GABRG3: variants seen among roughly 807,000 people sequenced by gnomAD.
GABRG3 encodes gamma-aminobutyric acid receptor subunit gamma-3.
Under a neutral mutation model 48.8 loss-of-function variants are expected in GABRG3, and 25 were observed. The ratio of observed to expected loss-of-function variants is 0.51; its 90% CI spans 0.37 to 0.72. The LOEUF is 0.72. Ranked by LOEUF, GABRG3 falls within the 30% of genes least tolerant of loss-of-function variation. The pLI is 0.00. For synonymous variants in GABRG3, 227 were observed against 217.6 expected, an observed-to-expected ratio of 1.04 and a Z score of -0.38; for missense variants, 394 against 577.9, an observed-to-expected ratio of 0.68 and a Z score of 3.26.
chr15:27,051,538 G>A (rs1269770677), intron 3 of GABRG3, among the ~76,000 whole-genome samples: 1 of 152,154 alleles, frequency 6.6e-6, no homozygotes, highest in African/African-American at 2.4e-5. Context: ...CCCACACATG[G>A]GATTAGTGAC....
intron 3 of GABRG3, among the ~76,000 whole-genome samples, chr15:27,138,163 G>A (rs1331396143): frequency 6.6e-6 from 1 of 152,088 alleles, no homozygotes; most frequent in African/African-American, 2.4e-5. Context: ...TGATATTTAT[G>A]CCTGTAGTTC....
intron 6 of GABRG3, among the ~76,000 whole-genome samples, chr15:27,500,332 C>T (rs116169593): frequency 3.3e-5 from 5 of 152,138 alleles, no homozygotes; most frequent in Admixed American, 1.3e-4. Context: ...AGACAGCACC[C>T]GACACACAGC....
At chr15:27,045,784 A>G (rs1211880356) in intron 3 of GABRG3, among the ~76,000 whole-genome samples, 1 of 152,214 alleles carries the variant, frequency 6.6e-6, no homozygotes, top group African/African-American at 2.4e-5. Flanking sequence ...GTGCAGTGAG[A>G]CAGCGGTCAA....
At chr15:27,184,793 A>G (rs1235482243) in intron 3 of GABRG3, among the ~76,000 whole-genome samples, 3 of 152,132 alleles carry the variant, frequency 2.0e-5, no homozygotes, top group Non-Finnish European at 4.4e-5. Flanking sequence ...GAACTGGTCC[A>G]CTTCTTTTTA....
At chr15:27,132,471 G>GGTTTTTTTTTTTTTTTTTTTTTTTTTT (rs778222775) in intron 3 of GABRG3, among the ~76,000 whole-genome samples, 1 of 39,594 alleles carries the variant, frequency 2.5e-5, no homozygotes, top group Non-Finnish European at 4.8e-5. Flanking sequence ...AGTAGTTACA[G>GGTTTTTTTTTTTTTTTTTTTTTTTTTT]TTTTTTTTTT....
At chr15:26,982,829 C>T (rs1895078881) in intron 2 of GABRG3, among the ~76,000 whole-genome samples, 1 of 152,146 alleles carries the variant, frequency 6.6e-6, no homozygotes. Flanking sequence ...AGGTAGGATG[C>T]TCCTCTTTGG....
intron 2 of GABRG3, among the ~76,000 whole-genome samples, chr15:26,997,422 A>T (rs1474281138): frequency 6.6e-6 from 1 of 152,176 alleles, no homozygotes; most frequent in African/African-American, 2.4e-5. Context: ...TTTCAAAAAA[A>T]CTTTGACATT....
intron 3 of GABRG3, chr15:27,161,356 A>G (rs1030840699): frequency 6.6e-6 from 1 of 152,116 alleles, no homozygotes; most frequent in Non-Finnish European, 1.5e-5. Flanking sequence ...TGTGAGCTTC[A>G]TGTTTGCCTC....
chr15:27,405,526 C>G (rs1887604254), intron 5 of GABRG3, among the ~76,000 whole-genome samples: 1 of 152,188 alleles, frequency 6.6e-6, no homozygotes, highest in African/African-American at 2.4e-5. Context: ...TGTTCATCCT[C>G]TGTGTCCAAA....
At chr15:27,443,377 T>C (rs893653883) in intron 5 of GABRG3, among the ~76,000 whole-genome samples, 1 of 152,250 alleles carries the variant, frequency 6.6e-6, no homozygotes, top group African/African-American at 2.4e-5. Flanking sequence ...TTAATTTTTC[T>C]AAACAGTGTT....
At chr15:27,126,343 C>G (rs559077652) in intron 3 of GABRG3, among the ~76,000 whole-genome samples, 8 of 152,156 alleles carry the variant, frequency 5.3e-5, no homozygotes, top group Non-Finnish European at 1.0e-4. Flanking sequence ...GGGAGGGACT[C>G]GCGATTAGGT....
chr15:27,150,182 T>C (rs1898285170), intron 3 of GABRG3, among the ~76,000 whole-genome samples: 3 of 152,204 alleles, frequency 2.0e-5, no homozygotes, highest in African/African-American at 7.2e-5. Context: ...TTTTATCACA[T>C]TTATTTTTTA....
chr15:27,321,873 T>C (rs186067822), intron 3 of GABRG3, among the ~76,000 whole-genome samples: 330 of 152,380 alleles, frequency 2.2e-3, no homozygotes, highest in Non-Finnish European at 3.8e-3. Context: ...TTTCTTCTGT[T>C]TTCTTAAAAT....
intron 6 of GABRG3, among the ~76,000 whole-genome samples, chr15:27,511,091 GA>G (rs1251958455): frequency 6.6e-6 from 1 of 152,156 alleles, no homozygotes; most frequent in Middle Eastern, 3.4e-3. Context: ...AGAAAAGGAA[GA>G]AAAAACAATT....
chr15:27,026,843 T>C, intron 3 of GABRG3, 22 bp downstream of exon 3: 1 of 1,546,394 alleles, frequency 6.5e-7, no homozygotes. Context: ...CTTTATTTTC[T>C]GATCTAACGG....
chr15:27,419,710 G>C (rs1888052303), intron 5 of GABRG3, among the ~76,000 whole-genome samples: 1 of 152,146 alleles, frequency 6.6e-6, no homozygotes. Context: ...ATACAGCTTT[G>C]AGGTAAGAGA....
intron 3 of GABRG3, among the ~76,000 whole-genome samples, chr15:27,255,252 C>A (rs568240098): frequency 2.0e-5 from 3 of 152,300 alleles, no homozygotes; most frequent in South Asian, 4.1e-4. Flanking sequence ...TGCCTCTTAC[C>A]CCCTGGGCTG....
intron 3 of GABRG3, among the ~76,000 whole-genome samples, chr15:27,264,153 C>T (rs931396897): frequency 2.3e-4 from 35 of 151,918 alleles, no homozygotes; most frequent in Admixed American, 3.9e-4. Flanking sequence ...AAACAGACAG[C>T]GGCCTCTGGA....
chr15:27,519,458 C>A (rs1381887693), intron 6 of GABRG3, among the ~76,000 whole-genome samples: 1 of 152,100 alleles, frequency 6.6e-6, no homozygotes, highest in African/African-American at 2.4e-5. Flanking sequence ...GATAAATATA[C>A]ATACATTAAT....
Sources: gnomAD v4.1 joint callset for allele counts (sites outside exome capture counted in the v4.1 genomes callset) on GRCh38, gnomAD v4.1.1 for gene constraint, MANE v1.5 for transcripts, NCBI Gene and HGNC (gene_info 2026-07-23, HGNC 2026-07-21) for gene names.